EPHX1: variants seen among roughly 807,000 people sequenced by gnomAD.
EPHX1 encodes epoxide hydrolase 1, also known as epoxide hydratase.
In EPHX1, 40 loss-of-function variants were observed where a neutral mutation model predicts 43.2. The observed-to-expected ratio is 0.93, with a 90% CI of 0.72 to 1.21. The LOEUF is 1.21. EPHX1 is among the 50% of genes most tolerant of loss of function. The probability of loss-of-function intolerance (pLI) is 0.00; values close to 1 mark genes in which losing one functional copy is unlikely to be tolerated. For missense variants in EPHX1, 550 were observed against 570.4 expected, an observed-to-expected ratio of 0.96 and a Z score of 0.36; for synonymous variants, 221 against 226.7, an observed-to-expected ratio of 0.98 and a Z score of 0.22.
intron 1 of EPHX1, among the ~76,000 whole-genome samples, chr1:225,814,777 C>T (rs1007355830): frequency 6.6e-6 from 1 of 152,234 alleles, no homozygotes; most frequent in South Asian, 2.1e-4. Flanking sequence ...CCCTGTGGAA[C>T]GAGAGACACT....
chr1:225,814,206 C>T (rs1666616214), intron 1 of EPHX1, among the ~76,000 whole-genome samples: 1 of 152,048 alleles, frequency 6.6e-6, no homozygotes, highest in Non-Finnish European at 1.5e-5. Context: ...GTTCTGAGAC[C>T]AGCCTGGGCA....
At chr1:225,843,688 T>G (rs1008412227) in intron 7 of EPHX1, among the ~76,000 whole-genome samples, 3 of 152,166 alleles carry the variant, frequency 2.0e-5, no homozygotes, top group Non-Finnish European at 4.4e-5. Context: ...CAGGATCAGA[T>G]CTGTGTTCTA....
intron 3 of EPHX1, among the ~76,000 whole-genome samples, chr1:225,833,262 T>G (rs546227779): frequency 2.6e-4 from 39 of 152,350 alleles, no homozygotes; most frequent in Admixed American, 3.9e-4. Flanking sequence ...TTTAATTTGT[T>G]AAAATTCTAG....
intron 5 of EPHX1, 93 bp downstream of exon 5, chr1:225,839,439 G>C: frequency 8.3e-6 from 13 of 1,574,116 alleles, no homozygotes; most frequent in Non-Finnish European, 1.1e-5. Context: ...GGTGGGCCAA[G>C]GACCCCCCAG....
chr1:225,826,636 A>G (rs1244125698), intron 1 of EPHX1, among the ~76,000 whole-genome samples: 1 of 152,064 alleles, frequency 6.6e-6, no homozygotes, highest in Admixed American at 6.5e-5. Flanking sequence ...AGAGAGGGAG[A>G]TAGATTGGAA....
chr1:225,830,731 C>G (rs769718570), intron 2 of EPHX1, among the ~76,000 whole-genome samples: 8 of 152,158 alleles, frequency 5.3e-5, no homozygotes, highest in Non-Finnish European at 1.0e-4. Context: ...TCCCAAAGCA[C>G]TGGGATTACA....
chr1:225,814,475 C>T (rs1430744531), intron 1 of EPHX1, among the ~76,000 whole-genome samples: 2 of 152,254 alleles, frequency 1.3e-5, no homozygotes, highest in African/African-American at 4.8e-5. Context: ...GCTTCTCTAG[C>T]CTTCCTCACA....
intron 1 of EPHX1, among the ~76,000 whole-genome samples, chr1:225,812,427 A>AG (rs2102672755): frequency 6.6e-6 from 1 of 152,278 alleles, no homozygotes; most frequent in South Asian, 2.1e-4. Flanking sequence ...GCCCTGAATG[A>AG]GGGCTCTGTG....
intron 7 of EPHX1, among the ~76,000 whole-genome samples, chr1:225,843,339 C>A (rs974257124): frequency 1.3e-5 from 2 of 152,158 alleles, no homozygotes; most frequent in African/African-American, 4.8e-5. Context: ...AATAAAAATG[C>A]AAGGAAAGGG....
At chr1:225,841,836 G>A (rs111525841) in intron 6 of EPHX1, among the ~76,000 whole-genome samples, 4,255 of 150,064 alleles carry the variant, frequency 0.028, 186 homozygotes, top group African/African-American at 0.099. Flanking sequence ...ACTCCTTACC[G>A]CAGGTGATCC....
intron 7 of EPHX1, among the ~76,000 whole-genome samples, chr1:225,843,985 T>G (rs1441497474): frequency 6.6e-6 from 1 of 151,772 alleles, no homozygotes; most frequent in Non-Finnish European, 1.5e-5. Flanking sequence ...CTGGGGAAAG[T>G]GGAAGGTGGG....
chr1:225,818,185 C>T (rs2102685813), intron 1 of EPHX1, among the ~76,000 whole-genome samples: 1 of 152,314 alleles, frequency 6.6e-6, no homozygotes, highest in East Asian at 1.9e-4. Flanking sequence ...GGGAATTCAG[C>T]TCTTCTTGTT....
intron 1 of EPHX1, among the ~76,000 whole-genome samples, chr1:225,828,310 C>G (rs907125844): frequency 6.6e-6 from 1 of 151,558 alleles, no homozygotes; most frequent in Non-Finnish European, 1.5e-5. Flanking sequence ...TGCCACTGCA[C>G]TCCAGCCTGG....
intron 6 of EPHX1, among the ~76,000 whole-genome samples, 198 bp from the exon 7 acceptor site, chr1:225,842,168 T>TTTATCAGA (rs1668482093): frequency 6.6e-6 from 1 of 152,204 alleles, no homozygotes; most frequent in Non-Finnish European, 1.5e-5. Flanking sequence ...ATCGTCCCTG[T>TTTATCAGA]TTATCAGATG....
At chr1:225,838,611 G>A in intron 3 of EPHX1, 43 bp from the exon 4 acceptor site, 1 of 1,566,172 alleles carries the variant, frequency 6.4e-7, no homozygotes, top group Non-Finnish European at 8.8e-7. Flanking sequence ...ACCGTGCAGG[G>A]TCTTCTCTCT....
In EPHX1 at chr1:225,817,950, C is replaced by T. The variant is rs751375506; in HGVS notation, c.-6+7781C>T. 1.3e-5 allele frequency among the ~76,000 whole-genome samples: 2 copies of T among 152,142 alleles called. No homozygotes were observed. Among genetic ancestry groups the T allele is most frequent in the African/African-American group, 2.4e-5 (1 of 41,430 alleles). ...TGGGGGAGGGGAGTCTTTGGGCAGGCGGTAGACCTGCCCTTTACTTTGTGT... is the reference window on the plus strand; with the variant it reads ...TGGGGGAGGGGAGTCTTTGGGCAGGTGGTAGACCTGCCCTTTACTTTGTGT... On this transcript the variant is annotated intron_variant, in intron 1 of 8. Coordinates refer to ENST00000272167, the MANE Select transcript of EPHX1 (RefSeq NM_001136018.4). The surrounding 1 kb of genome is among the most constrained non-coding windows in gnomAD (Gnocchi z 5.7).
chr1:225,838,261 G>A (rs189435407), intron 3 of EPHX1, among the ~76,000 whole-genome samples: 10 of 152,304 alleles, frequency 6.6e-5, no homozygotes, highest in South Asian at 2.1e-4. Context: ...TGCTGGATAC[G>A]TGGGGCTTTC....
In EPHX1 at chr1:225,819,226, C is replaced by CAAAA. The variant is rs1302566204; in HGVS notation, c.-6+9075_-6+9078dup. Among the ~76,000 whole-genome samples the CAAAA allele has an allele frequency of 1.3e-3, 6 of 4,494 alleles. 1 individual carries two copies. The highest frequency in any genetic ancestry group is 4.7e-3 in the African/African-American group (6 of 1,272). The allele number at this position is 4,494 out of a possible 152,430, so 2.9% of individuals were successfully genotyped here. A position where few individuals can be genotyped will look rare whatever the true frequency, so the allele number is the denominator to read the frequency against. ...TGGGCGACAGAGCGAGACTCCGTCT[C>CAAAA]AAAAAAAAAAAAAAAAAAAAATACA... On this transcript the variant is annotated intron_variant, in intron 1 of 8. Transcript: ENST00000272167.
intron 7 of EPHX1, among the ~76,000 whole-genome samples, chr1:225,844,194 G>A (rs751176455): frequency 1.6e-4 from 25 of 152,122 alleles, no homozygotes; most frequent in Non-Finnish European, 3.5e-4. Flanking sequence ...GCAGTTTCAC[G>A]GTGCAGGGGT....
Sources: allele counts gnomAD v4.1 joint callset (sites outside exome capture counted in the v4.1 genomes callset), GRCh38; gene constraint gnomAD v4.1.1; non-coding constraint Gnocchi (gnomAD v3.1); transcripts MANE v1.5; gene names NCBI Gene and HGNC (gene_info 2026-07-23, HGNC 2026-07-21).